MIS18BP1: variants seen among roughly 807,000 people sequenced by gnomAD.
MIS18BP1 encodes the protein MIS18 binding protein 1.
Under a neutral mutation model 116.1 loss-of-function variants are expected in MIS18BP1, and 72 were observed. The ratio of observed to expected loss-of-function variants is 0.62; its 90% CI spans 0.51 to 0.75. The LOEUF (loss-of-function observed/expected upper bound fraction) is 0.75. MIS18BP1 is among the 30% of genes least tolerant of loss of function. The pLI is 0.00. For synonymous variants in MIS18BP1, 386 were observed against 427.0 expected, an observed-to-expected ratio of 0.90 and a Z score of 1.18; for missense variants, 1,363 against 1,303.2, an observed-to-expected ratio of 1.05 and a Z score of -0.71.
intron 1 of MIS18BP1, among the ~76,000 whole-genome samples, chr14:45,251,158 T>A (rs553901183): frequency 1.2e-4 from 18 of 152,308 alleles, no homozygotes; most frequent in African/African-American, 3.8e-4. Context: ...ACCTTTTTTT[T>A]AAACTTATTT....
chr14:45,207,470 G>A (rs1890549187), intron 14 of MIS18BP1, among the ~76,000 whole-genome samples: 1 of 152,204 alleles, frequency 6.6e-6, no homozygotes, highest in Admixed American at 6.5e-5. Flanking sequence ...GGCCAACATG[G>A]TGAAACCCCA....
Position 45,242,313 on chromosome 14 carries a change from G to C in MIS18BP1, c.864C>G (p.Leu288=), listed in dbSNP as rs1566820573. 3.1e-6 allele frequency: 5 copies of C among 1,614,016 alleles called. No homozygotes were observed. In the South Asian group the frequency reaches 5.5e-5, roughly 18 times the overall value. ...TTTTAATAGGAATACAATTAGTACT[G>C]AGAGTCTCAGCATTAGTATTTTGAA... The part of the protein sequence containing the change: ...EQFQNTNAET[L]STNCIPIKNG... Residue 288 remains leucine, a synonymous_variant, in exon 4 of 17, where the codon CTC becomes CTG. Coordinates refer to ENST00000310806, the MANE Select transcript of MIS18BP1 (RefSeq NM_018353.5).
intron 13 of MIS18BP1, among the ~76,000 whole-genome samples, chr14:45,215,693 G>A (rs957323478): frequency 1.9e-4 from 28 of 150,036 alleles, no homozygotes; most frequent in Middle Eastern, 3.4e-3. Context: ...TTACAGGTGT[G>A]AGCCACTGCA....
At chr14:45,227,415 G>A (rs1381046271) in intron 9 of MIS18BP1, among the ~76,000 whole-genome samples, 7 of 151,942 alleles carry the variant, frequency 4.6e-5, no homozygotes, top group Non-Finnish European at 8.8e-5. Flanking sequence ...GCTGAGGCAG[G>A]AGAATCACTC....
chr14:45,228,783 T>C (rs555663455), intron 8 of MIS18BP1, among the ~76,000 whole-genome samples: 109 of 152,346 alleles, frequency 7.2e-4, no homozygotes, highest in African/African-American at 2.5e-3. Context: ...CTCTGGTAAG[T>C]GTAATAACAG....
intron 14 of MIS18BP1, 134 bp from the exon 15 acceptor site, chr14:45,206,304 T>C (rs1019192982): frequency 9.4e-6 from 6 of 640,072 alleles, no homozygotes; most frequent in Non-Finnish European, 1.4e-5. Context: ...TTTCTTTTTT[T>C]GAAACAGGGT....
intron 12 of MIS18BP1, 121 bp from the exon 13 acceptor site, chr14:45,217,300 C>G: frequency 8.6e-7 from 1 of 1,164,858 alleles, no homozygotes; most frequent in Non-Finnish European, 1.2e-6. Flanking sequence ...CCAAAAAACT[C>G]AGCCTTGGCC....
chr14:45,236,210 T>C lies in MIS18BP1; in HGVS notation c.1218-266A>G, dbSNP rs182029729. 5.8e-4 allele frequency among the ~76,000 whole-genome samples: 89 copies of C among 152,326 alleles called. No individual in the cohort carries two copies. In the East Asian group the frequency reaches 0.01, roughly 17 times the overall value. On this transcript the variant is annotated intron_variant, in intron 5 of 16. Coordinates refer to ENST00000310806, the MANE Select transcript of MIS18BP1 (RefSeq NM_018353.5). ...GGAGCAGAGGCCTTGTCTCAGTATC[T>C]GATGCTGGCAATAAATACTTGCAGC...
chr14:45,229,694 C>T (rs1891222769), intron 8 of MIS18BP1, among the ~76,000 whole-genome samples: 1 of 151,950 alleles, frequency 6.6e-6, no homozygotes, highest in Non-Finnish European at 1.5e-5. Context: ...AAATGGGGTA[C>T]AGGAAGAGGT....
chr14:45,247,719 T>C (rs1594530265), intron 1 of MIS18BP1, among the ~76,000 whole-genome samples: 1 of 151,578 alleles, frequency 6.6e-6, no homozygotes, highest in East Asian at 1.9e-4. Context: ...TAAAATAAAA[T>C]AAAACAAAAT....
chr14:45,231,039 ATACTATACACATTAC>A lies in MIS18BP1; in HGVS notation c.1594+87_1594+101del, dbSNP rs1320869348. The A allele has an allele frequency of 4.8e-6, 6 of 1,248,678 alleles. No individual in the cohort carries two copies. The South Asian group carries it at 6.5e-5, about 14-fold the overall frequency. 77.3% of individuals were successfully genotyped at this position (1,248,678 alleles called of 1,614,324 possible). On this transcript the variant is annotated intron_variant, in intron 8 of 16. Coordinates refer to ENST00000310806, the MANE Select transcript of MIS18BP1 (RefSeq NM_018353.5). The stretch of plus-strand genomic sequence containing the variant: ...GGGGCAGTATAAGTCAAAGAATACT[ATACTATACACATTAC>A]TACTATACACATTATAAACCATAAA...
intron 14 of MIS18BP1, among the ~76,000 whole-genome samples, chr14:45,206,926 G>T (rs1272944160): frequency 6.6e-6 from 1 of 152,068 alleles, no homozygotes. Flanking sequence ...ATTGAAAACT[G>T]TCAATTTTTC....
chr14:45,226,695 CATAGT>C, intron 10 of MIS18BP1, 43 bp downstream of exon 10: 1 of 1,274,296 alleles, frequency 7.8e-7, no homozygotes, highest in Middle Eastern at 3.0e-4. Flanking sequence ...AAACATTTCA[CATAGT>C]AGCTTTCTGC....
rs1409834491 is a variant in MIS18BP1, at chr14:45,224,741, T to A, written c.1846A>T (p.Thr616Ser). The A allele has an allele frequency of 4.5e-6, 7 of 1,559,510 alleles. No individual in the cohort carries two copies. The Admixed American group carries it at 1.1e-4, about 24-fold the overall frequency. ...TCAATGGATACATCCAATTCTTCAG[T>A]TGTCTCTTTAATTTCATAAGACAAA... ...RIIKSQKQET[T>S]EELDVSIDIL... is the part of the protein sequence containing the mutation. Residue 616 changes from threonine to serine, a missense_variant, in exon 11 of 17, where the codon ACT becomes TCT. By Grantham distance (58) the Thr-to-Ser change is moderately conservative (BLOSUM62 1). Coordinates refer to ENST00000310806, the MANE Select transcript of MIS18BP1 (RefSeq NM_018353.5).
chr14:45,242,686 C>T lies in MIS18BP1; in HGVS notation c.658+75G>A, dbSNP rs17115932. 6,952 of 1,470,850 alleles carry T rather than the reference C, an allele frequency of 4.7e-3. 269 individuals are homozygous for T. In the African/African-American group the frequency reaches 0.085, roughly 18 times the overall value. The allele number at this position is 1,470,850 out of a possible 1,614,324, so 91.1% of individuals were successfully genotyped here. A position where few individuals can be genotyped will look rare whatever the true frequency, so the allele number is the denominator to read the frequency against. ...CCACAGCTAAAGTTTAATGCCCACACAAGGAAAGTAATTACCTAGAACATT... is the reference window on the plus strand; with the variant it reads ...CCACAGCTAAAGTTTAATGCCCACATAAGGAAAGTAATTACCTAGAACATT... On this transcript the variant is annotated intron_variant, in intron 3 of 16. Coordinates refer to ENST00000310806, the MANE Select transcript of MIS18BP1 (RefSeq NM_018353.5).
At chr14:45,252,869 A>G (rs1164826949) in intron 1 of MIS18BP1, among the ~76,000 whole-genome samples, 166 bp downstream of exon 1, 1 of 152,236 alleles carries the variant, frequency 6.6e-6, no homozygotes. Flanking sequence ...TACAGTAGAC[A>G]CGCAACAAGT....
rs1890440382 is a variant in MIS18BP1, at chr14:45,204,061, C to CAA, written c.*47_*48insTT. The CAA allele has an allele frequency of 1.3e-6, 2 of 1,585,244 alleles. No homozygotes were observed. The highest frequency in any genetic ancestry group is 2.7e-5 in the African/African-American group (2 of 73,466). ...TGTACTCCAGTTGAAAATACAAACA[C>CAA]TGTCTGCTTTATGGTAAAAATCCCA... is the stretch of plus-strand genomic sequence containing the variant. On this transcript the variant is annotated 3_prime_UTR_variant, in exon 17 of 17. Coordinates refer to ENST00000310806, the MANE Select transcript of MIS18BP1 (RefSeq NM_018353.5).
chr14:45,213,007 C>T (rs1211649776), intron 13 of MIS18BP1, among the ~76,000 whole-genome samples: 1 of 152,220 alleles, frequency 6.6e-6, no homozygotes, highest in East Asian at 1.9e-4. Flanking sequence ...AAACTTGCCT[C>T]AGTTTCTCCT....
At chr14:45,249,742 A>G (rs1056373909) in intron 1 of MIS18BP1, among the ~76,000 whole-genome samples, 1 of 152,088 alleles carries the variant, frequency 6.6e-6, no homozygotes, top group South Asian at 2.1e-4. Flanking sequence ...GTGGTGGCAC[A>G]TGCCTGTAGT....
Sources: gnomAD v4.1 joint callset for allele counts (sites outside exome capture counted in the v4.1 genomes callset) on GRCh38, gnomAD v4.1.1 for gene constraint, MANE v1.5 for transcripts, NCBI Gene and HGNC (gene_info 2026-07-23, HGNC 2026-07-21) for gene names.